Variants in VPS35L observed in about 807,000 individuals in gnomAD.
VPS35L encodes the protein VPS35 endosomal protein sorting factor like, also known as VPS35 endosomal protein-sorting factor-like.
VPS35L carries 83 observed loss-of-function variants against 133.0 expected under a neutral mutation model. The observed-to-expected ratio is 0.62, with a 90% confidence interval of 0.52 to 0.75. The LOEUF (loss-of-function observed/expected upper bound fraction) is 0.75. VPS35L is among the 30% of genes least tolerant of loss of function. The probability of loss-of-function intolerance (pLI) is 0.00; values close to 1 mark genes in which losing one functional copy is unlikely to be tolerated. For missense variants in VPS35L, 1,083 were observed against 1,206.8 expected, an observed-to-expected ratio of 0.90 and a Z score of 1.52; for synonymous variants, 423 against 449.9, an observed-to-expected ratio of 0.94 and a Z score of 0.76.
At chr16:19,588,041 C>T (rs779239514) in intron 7 of VPS35L, among the ~76,000 whole-genome samples, 10 of 151,544 alleles carry the variant, frequency 6.6e-5, no homozygotes, top group Non-Finnish European at 1.3e-4. Context: ...CTCGAGTGAT[C>T]CACCCACCTC....
chr16:19,697,632 G>C (rs1054803598), intron 29 of VPS35L, among the ~76,000 whole-genome samples: 3 of 152,068 alleles, frequency 2.0e-5, no homozygotes, highest in Admixed American at 6.6e-5. Context: ...ATGGATAGAC[G>C]GTTGATAAGT....
rs1454963787 is a variant in VPS35L, at chr16:19,578,774, CAG to C, written c.434-276_434-275del. 11 of 448,858 alleles carry C rather than the reference CAG, an allele frequency of 2.5e-5. No individual in the cohort carries two copies. The Admixed American group carries it at 2.5e-4, about 10-fold the overall frequency. The allele number at this position is 448,858 out of a possible 1,614,324, so 27.8% of individuals were successfully genotyped here. ...TGGACTGCCTTTCTTTAGGAATAAA[CAG>C]ATGATACAGAGCAAAGTTTGTAAAT... On this transcript the variant is annotated intron_variant, in intron 5 of 30. Coordinates refer to ENST00000417362, the MANE Select transcript of VPS35L (RefSeq NM_020314.7).
chr16:19,598,462 C>T (rs1972283025), intron 8 of VPS35L, among the ~76,000 whole-genome samples: 1 of 152,098 alleles, frequency 6.6e-6, no homozygotes, highest in South Asian at 2.1e-4. Flanking sequence ...TTCAGTAAAA[C>T]TAATTTTGTA....
At chr16:19,637,755 T>G (rs1973666871) in intron 20 of VPS35L, 99 bp downstream of exon 20, 1 of 784,096 alleles carries the variant, frequency 1.3e-6, no homozygotes, top group South Asian at 2.0e-5. Flanking sequence ...CCAAAAGAAA[T>G]ATTCAGCAGT....
rs115369824 is a variant in VPS35L, at chr16:19,681,413, G to A, written c.2362-812G>A. The stretch of plus-strand genomic sequence containing the variant: ...CCCCCTGCCGCTGCGGGTTCCAATC[G>A]TGCTGTTCTCCCCACCTTAATGTGG... On this transcript the variant is annotated intron_variant, in intron 27 of 30. Transcript: ENST00000417362. 2.6e-3 allele frequency among the ~76,000 whole-genome samples: 400 copies of A among 152,280 alleles called. 1 individual carries two copies. Among genetic ancestry groups the A allele is most frequent in the African/African-American group, 9.0e-3 (372 of 41,552 alleles).
chr16:19,601,757 G>C (rs368657175), intron 9 of VPS35L, 34 bp downstream of exon 9: 81 of 1,606,834 alleles, frequency 5.0e-5, no homozygotes, highest in Middle Eastern at 3.3e-4. Context: ...GTGTCATTCT[G>C]CCCTGGAGTC....
rs1973385573 is a variant in VPS35L, at chr16:19,629,770, T to C, written c.1504T>C (p.Tyr502His). 6 of 1,613,290 alleles carry C rather than the reference T, an allele frequency of 3.7e-6. No homozygotes were observed. The highest frequency in any genetic ancestry group is 1.3e-5 in the African/African-American group (1 of 74,936). Reference sequence around the variant, plus strand: ...ATGTTTTCCTTTCTCTTTGTAGGACTACATTAATTGTGCCGAAGTGTGGGT... The same window carrying C: ...ATGTTTTCCTTTCTCTTTGTAGGACCACATTAATTGTGCCGAAGTGTGGGT... The part of the protein sequence containing the change: ...VITKLKNPQD[Y>H]INCAEVWVEY... Residue 502 changes from tyrosine (Y) to histidine (H), a missense_variant, in exon 18 of 31, where the codon TAC (tyrosine) becomes CAC (histidine). Coordinates refer to ENST00000417362, the MANE Select transcript of VPS35L (RefSeq NM_020314.7).
intron 27 of VPS35L, among the ~76,000 whole-genome samples, chr16:19,680,748 CAA>C (rs1233942481): frequency 6.6e-6 from 1 of 152,050 alleles, no homozygotes; most frequent in Non-Finnish European, 1.5e-5. Flanking sequence ...CTCATCTCTA[CAA>C]AAAATAGAAA....
chr16:19,617,010 A>G (rs2151554030), intron 14 of VPS35L: 2 of 775,168 alleles, frequency 2.6e-6, no homozygotes, highest in Non-Finnish European at 4.3e-6. Context: ...ACAGCTGTGG[A>G]AGGGGAATGT....
chr16:19,598,785 T>TA (rs35846910), intron 8 of VPS35L, among the ~76,000 whole-genome samples: 47,737 of 146,028 alleles, frequency 0.33, 8,267 homozygotes, highest in Non-Finnish European at 0.4. Context: ...TTCTGTCTCT[T>TA]AAAAAAAAAA....
At chr16:19,575,897 C>T (rs1161631794) in intron 5 of VPS35L, among the ~76,000 whole-genome samples, 21 of 131,676 alleles carry the variant, frequency 1.6e-4, no homozygotes, top group African/African-American at 3.8e-4. Context: ...GGCTCACACC[C>T]GTAATCCCAG....
At chr16:19,616,033 A>T in intron 12 of VPS35L, 81 bp from the exon 13 acceptor site, 1 of 845,438 alleles carries the variant, frequency 1.2e-6, no homozygotes, top group Non-Finnish European at 1.9e-6. Context: ...AAACATAGGT[A>T]TATATATTTT....
At chr16:19,626,400 C>G (rs1274222839) in intron 15 of VPS35L, among the ~76,000 whole-genome samples, 177 bp downstream of exon 15, 1 of 152,152 alleles carries the variant, frequency 6.6e-6, no homozygotes, top group Non-Finnish European at 1.5e-5. Flanking sequence ...TGTCTTAGCC[C>G]TGTGACCTTG....
intron 12 of VPS35L, chr16:19,611,636 T>A (rs1002598708): frequency 6.6e-5 from 10 of 152,088 alleles, no homozygotes; most frequent in African/African-American, 2.4e-4. Context: ...CAGATATCCA[T>A]TAGGAAGGGC....
At chr16:19,657,746 AT>A (rs1429496678) in intron 26 of VPS35L, among the ~76,000 whole-genome samples, 2 of 152,178 alleles carry the variant, frequency 1.3e-5, no homozygotes, top group African/African-American at 4.8e-5. Context: ...ATTATTTTGC[AT>A]TTCCTCTTCC....
intron 5 of VPS35L, chr16:19,578,373 C>CAAA (rs35605554): frequency 4.7e-5 from 17 of 360,104 alleles, no homozygotes; most frequent in East Asian, 8.1e-5. Flanking sequence ...GACCCCATCT[C>CAAA]AAAAAAAAAA....
rs111578676 is a variant in VPS35L, at chr16:19,598,025, C to T, written c.725-3639C>T. ...GAGACTGGCATGCACAGTGGGAAGA[C>T]GTGTGCCTGGTTTCTGCTGGGATTT... On this transcript the variant is annotated intron_variant, in intron 8 of 30. Coordinates refer to ENST00000417362, the MANE Select transcript of VPS35L (RefSeq NM_020314.7). Among the ~76,000 whole-genome samples the T allele has an allele frequency of 1.1e-3, 171 of 152,150 alleles. 1 individual carries two copies. The highest frequency in any genetic ancestry group is 3.1e-3 in the African/African-American group (130 of 41,504).
intron 21 of VPS35L, among the ~76,000 whole-genome samples, chr16:19,640,345 A>G (rs1336141063): frequency 1.3e-5 from 2 of 152,206 alleles, no homozygotes; most frequent in African/African-American, 4.8e-5. Context: ...AAGGAAAGCC[A>G]CATTAAAAGC....
chr16:19,642,530 A>C lies in VPS35L; in HGVS notation c.1865+54A>C, dbSNP rs1014266779. On this transcript the variant is annotated intron_variant, in intron 22 of 30. Coordinates refer to ENST00000417362, the MANE Select transcript of VPS35L (RefSeq NM_020314.7). ...CATGGATTGGGTCTTAATGCCACCT[A>C]ATAGGACATTAGGGAATGACTGCTT... 2.1e-6 allele frequency: 3 copies of C among 1,434,772 alleles called. No homozygotes were observed. The Admixed American group carries it at 5.3e-5, about 25-fold the overall frequency. 88.9% of individuals were successfully genotyped at this position (1,434,772 alleles called of 1,614,324 possible).
Sources: gnomAD v4.1 joint callset for allele counts (sites outside exome capture counted in the v4.1 genomes callset) on GRCh38, gnomAD v4.1.1 for gene constraint, MANE v1.5 for transcripts, NCBI Gene and HGNC (gene_info 2026-07-23, HGNC 2026-07-21) for gene names.